MACO1: variants seen among roughly 807,000 people sequenced by gnomAD.
The protein encoded by MACO1 is macoilin.
MACO1 carries 14 observed loss-of-function variants against 78.7 expected under a neutral mutation model. The observed-to-expected ratio is 0.18, with a 90% CI of 0.12 to 0.28. MACO1 has a LOEUF of 0.28. Ranked by LOEUF, MACO1 falls within the 10% of genes least tolerant of loss-of-function variation. The pLI is 1.00. For missense variants in MACO1, 501 were observed against 799.0 expected (o/e 0.63, Z 4.50); for synonymous variants, 288 against 291.6 (o/e 0.99, Z 0.12).
At position 25,448,799 on chromosome 1, in the gene MACO1, T is replaced by A. The variant is rs1261635013; in HGVS notation, c.223-9T>A. The A allele has an allele frequency of 6.6e-7, 1 of 1,521,134 alleles. No individual in the cohort carries two copies. Among genetic ancestry groups the A allele is most frequent in the Admixed American group, 1.8e-5 (1 of 57,058 alleles). 94.2% of individuals were successfully genotyped at this position (1,521,134 alleles called of 1,614,324 possible). A position where few individuals can be genotyped will look rare whatever the true frequency, so the allele number is the denominator to read the frequency against. On this transcript the variant is annotated splice_polypyrimidine_tract_variant and intron_variant, in intron 2 of 10. Coordinates refer to ENST00000374343, the MANE Select transcript of MACO1 (RefSeq NM_018202.6). ...TGTATCTTTTATTTTGTTTTATTTT[T>A]CCCTTTAGGCCTTCTCAGTATTTTT...
At chr1:25,481,962 A>G (rs375217388) in intron 6 of MACO1, among the ~76,000 whole-genome samples, 14 of 152,296 alleles carry the variant, frequency 9.2e-5, no homozygotes, top group African/African-American at 3.4e-4. Flanking sequence ...AAAGTTGCCT[A>G]AAGGTAGATA....
At chr1:25,451,233 T>TA (rs1233959821) in intron 3 of MACO1, among the ~76,000 whole-genome samples, 1 of 152,226 alleles carries the variant, frequency 6.6e-6, no homozygotes, top group Non-Finnish European at 1.5e-5. Context: ...GGGTAGTTGT[T>TA]AAAATTTAAA....
chr1:25,456,550 A>G lies in MACO1; in HGVS notation c.474-103A>G, dbSNP rs186012906. ...CTCTTCTCAACTACCATCATCAATT[A>G]GAATTTATTTTTAATTTTTAAGCCA... On this transcript the variant is annotated intron_variant, in intron 4 of 10. Transcript: ENST00000374343. The G allele has an allele frequency of 1.1e-3, 1,266 of 1,182,726 alleles. 10 individuals carry two copies. The African/African-American group carries it at 0.017, about 16-fold the overall frequency. 73.3% of individuals were successfully genotyped at this position (1,182,726 alleles called of 1,614,324 possible). A position where few individuals can be genotyped will look rare whatever the true frequency, so the allele number is the denominator to read the frequency against.
chr1:25,470,115 A>G (rs904934433), intron 6 of MACO1, among the ~76,000 whole-genome samples: 1 of 152,226 alleles, frequency 6.6e-6, no homozygotes, highest in Non-Finnish European at 1.5e-5. Context: ...TAATCAGTGG[A>G]TTCAATATGA....
chr1:25,433,759 C>A (rs530303722), intron 1 of MACO1, among the ~76,000 whole-genome samples: 2 of 152,266 alleles, frequency 1.3e-5, no homozygotes, highest in East Asian at 3.9e-4. Context: ...AGTTCTCCCA[C>A]CTTCAAATGA....
rs2043147278 is a variant in MACO1, at chr1:25,458,886, T to A, written c.1148T>A (p.Leu383Gln). 1.9e-6 allele frequency: 3 copies of A among 1,611,718 alleles called. No individual in the cohort carries two copies. The change falls in exon 6 of 11, where the codon CTG (leucine) becomes CAG (glutamine). Residue 383 changes from leucine to glutamine, a missense_variant. By Grantham distance (113) the Leu-to-Gln change is moderately radical (BLOSUM62 -2). This residue lies in a region of MACO1 where 163 missense variants were observed against 271.9 expected (regional missense o/e 0.60). Coordinates refer to ENST00000374343, the MANE Select transcript of MACO1 (RefSeq NM_018202.6). ...PNNQLSKPDA[L>Q]VRLEQDIKKL... ...AACCAGCTAAGCAAACCAGACGCAC[T>A]GGTCAGGTAAGTGCACATGCTGCAT...
chr1:25,457,583 C>A (rs1313354883), intron 5 of MACO1, among the ~76,000 whole-genome samples: 1 of 152,020 alleles, frequency 6.6e-6, no homozygotes, highest in Non-Finnish European at 1.5e-5. Flanking sequence ...ATGGATAGGT[C>A]GTGTTCTAAA....
intron 3 of MACO1, among the ~76,000 whole-genome samples, chr1:25,453,772 A>G (rs879674503): frequency 2.0e-5 from 3 of 151,944 alleles, no homozygotes; most frequent in East Asian, 3.9e-4. Flanking sequence ...CCCAATTTAT[A>G]TTATTGCCGA....
At position 25,489,236 on chromosome 1, in the gene MACO1, C is replaced by G. The variant is rs762944198; in HGVS notation, c.1560C>G (p.Leu520=). 15 of 1,614,052 alleles carry G rather than the reference C, an allele frequency of 9.3e-6. No individual in the cohort carries two copies. In the South Asian group the frequency reaches 1.6e-4, roughly 18 times the overall value. Residue 520 remains leucine (L), a synonymous_variant, in exon 9 of 11, where the codon CTC becomes CTG. Coordinates refer to ENST00000374343, the MANE Select transcript of MACO1 (RefSeq NM_018202.6). ...IRELEAEGKK[L]TMDMKVKEDQ... is the part of the protein sequence containing the mutation. ...AACTAGAAGCAGAGGGCAAGAAGCT[C>G]ACGATGGACATGAAGGTGAAAGAAG...
chr1:25,431,201 C>T (rs2042861822), intron 1 of MACO1, 23 bp downstream of exon 1: 1 of 1,569,020 alleles, frequency 6.4e-7, no homozygotes, highest in African/African-American at 1.4e-5. Flanking sequence ...ACCCCCACTC[C>T]GCGGGCGCGG....
chr1:25,469,038 T>G (rs1484878276), intron 6 of MACO1, among the ~76,000 whole-genome samples: 3 of 152,092 alleles, frequency 2.0e-5, no homozygotes, highest in Non-Finnish European at 4.4e-5. Context: ...AGACGGGGTT[T>G]CACCATGTTG....
chr1:25,466,377 C>T (rs2043219301), intron 6 of MACO1, among the ~76,000 whole-genome samples: 1 of 152,082 alleles, frequency 6.6e-6, no homozygotes, highest in Admixed American at 6.6e-5. Flanking sequence ...GCAATGGTGC[C>T]ATCTTGGCTC....
intron 6 of MACO1, 72 bp from the exon 7 acceptor site, chr1:25,484,044 C>G (rs2043404537): frequency 6.7e-7 from 1 of 1,491,172 alleles, no homozygotes; most frequent in South Asian, 1.3e-5. Flanking sequence ...AGTCCAGGAC[C>G]CCCACCAGGT....
chr1:25,471,481 A>G (rs1274302563), intron 6 of MACO1, among the ~76,000 whole-genome samples: 1 of 152,200 alleles, frequency 6.6e-6, no homozygotes, highest in Non-Finnish European at 1.5e-5. Context: ...TTATTTCTGC[A>G]TAGTTTAAGT....
At chr1:25,465,715 A>C (rs1006073123) in intron 6 of MACO1, among the ~76,000 whole-genome samples, 3 of 152,196 alleles carry the variant, frequency 2.0e-5, no homozygotes, top group Admixed American at 2.0e-4. Flanking sequence ...TTTCACCCAA[A>C]TAATATACAT....
intron 6 of MACO1, among the ~76,000 whole-genome samples, chr1:25,462,534 C>G (rs902203761): frequency 1.3e-5 from 2 of 152,166 alleles, no homozygotes; most frequent in African/African-American, 4.8e-5. Flanking sequence ...CTACCCTTTT[C>G]TAAGTGTTGA....
chr1:25,448,534 T>A (rs2043036188), intron 2 of MACO1, among the ~76,000 whole-genome samples: 1 of 152,242 alleles, frequency 6.6e-6, no homozygotes, highest in Admixed American at 6.5e-5. Flanking sequence ...TCCAAATGAA[T>A]TCACTGTGTT....
intron 9 of MACO1, among the ~76,000 whole-genome samples, chr1:25,490,377 C>G (rs2043474137): frequency 6.6e-6 from 1 of 152,124 alleles, no homozygotes; most frequent in African/African-American, 2.4e-5. Flanking sequence ...ACTCACCAAT[C>G]ATCAAAGACA....
Position 25,454,464 on chromosome 1 carries a change from G to GTATATATATATATATATATA in MACO1, c.473+83_473+84insATATATATATATATATATAT, listed in dbSNP as rs1206688329. The stretch of plus-strand genomic sequence containing the variant: ...TGTGTGTGTGTGTGTGTGTGTGTGT[G>GTATATATATATATATATATA]TGTGTGTATATATATATATATATAT... On this transcript the variant is annotated intron_variant, in intron 4 of 10. Coordinates refer to ENST00000374343, the MANE Select transcript of MACO1 (RefSeq NM_018202.6). 9.5e-5 allele frequency: 17 copies of GTATATATATATATATATATA among 178,132 alleles called. No homozygotes were observed. In the South Asian group the frequency reaches 2.4e-3, roughly 25 times the overall value. 11.0% of individuals were successfully genotyped at this position (178,132 alleles called of 1,614,324 possible). A position where few individuals can be genotyped will look rare whatever the true frequency, so the allele number is the denominator to read the frequency against.
Sources: allele counts gnomAD v4.1 joint callset (sites outside exome capture counted in the v4.1 genomes callset), GRCh38; gene constraint gnomAD v4.1.1; regional missense constraint gnomAD v4.1.1; transcripts MANE v1.5; gene names NCBI Gene and HGNC (gene_info 2026-07-23, HGNC 2026-07-21).